Variants in PCLAF observed in about 807,000 individuals in gnomAD.
PCLAF encodes PCNA clamp associated factor.
PCLAF carries 12 observed loss-of-function variants against 15.1 expected under a neutral mutation model. That is an observed-to-expected ratio of 0.79 (90% CI 0.51 to 1.29). The LOEUF is 1.29. PCLAF is among the 50% of genes most tolerant of loss of function. PCLAF has a pLI of 0.00. For synonymous variants in PCLAF, 33 were observed against 47.1 expected, an observed-to-expected ratio of 0.70 and a Z score of 1.22; for missense variants, 116 against 130.9, an observed-to-expected ratio of 0.89 and a Z score of 0.56.
rs551440480 is a variant in PCLAF, at chr15:64,376,157, G to A, written c.290+586C>T. On this transcript the variant is annotated intron_variant, in intron 3 of 3. Coordinates refer to ENST00000300035, the MANE Select transcript of PCLAF (RefSeq NM_014736.6). ...GGAAAATTGCTTGAACCTGGGAGGC[G>A]GAGGTTGCAGTGAGCTGAGATAGCG... 1.2e-4 allele frequency among the ~76,000 whole-genome samples: 18 copies of A among 152,190 alleles called. 1 individual carries two copies. Among genetic ancestry groups the A allele is most frequent in the East Asian group, 5.8e-4 (3 of 5,178 alleles).
chr15:64,377,231 G>T (rs1899629131), intron 2 of PCLAF, among the ~76,000 whole-genome samples: 2 of 151,290 alleles, frequency 1.3e-5, no homozygotes, highest in South Asian at 4.2e-4. Flanking sequence ...ACTTTGGGAG[G>T]CTGAGGAGGG....
intron 3 of PCLAF, chr15:64,373,637 A>G: frequency 6.6e-7 from 1 of 1,520,142 alleles, no homozygotes; most frequent in Non-Finnish European, 8.8e-7. Flanking sequence ...AGAAACCTGC[A>G]CGGGTAGGAG....
At chr15:64,369,936 T>C (rs1318210141) in intron 3 of PCLAF, among the ~76,000 whole-genome samples, 1 of 152,154 alleles carries the variant, frequency 6.6e-6, no homozygotes, top group Non-Finnish European at 1.5e-5. Context: ...CAAGATCTGT[T>C]GGATCTGCTT....
At chr15:64,367,275 G>A (rs1480449157) in intron 3 of PCLAF, among the ~76,000 whole-genome samples, 1 of 152,028 alleles carries the variant, frequency 6.6e-6, no homozygotes, top group African/African-American at 2.4e-5. Context: ...AGGCCGAGGC[G>A]GGTGGATCAC....
intron 3 of PCLAF, among the ~76,000 whole-genome samples, chr15:64,368,170 T>G (rs1231279850): frequency 1.3e-5 from 2 of 151,876 alleles, no homozygotes; most frequent in African/African-American, 2.4e-5. Flanking sequence ...AATGAAACCC[T>G]GTCTCTACTA....
rs189761141 is a variant in PCLAF, at chr15:64,365,224, G to C, written c.*806C>G. ...TCACCTTGTTAGGCAGGATGGTCTC[G>C]ATCTCCTGACCTCATGATCCACCCG... is the stretch of plus-strand genomic sequence containing the variant. On this transcript the variant is annotated 3_prime_UTR_variant, in exon 4 of 4. Coordinates refer to ENST00000300035, the MANE Select transcript of PCLAF (RefSeq NM_014736.6). The C allele has an allele frequency of 1.3e-5, 2 of 150,580 alleles. No individual in the cohort carries two copies. Among genetic ancestry groups the C allele is most frequent in the East Asian group, 4.0e-4 (2 of 5,062 alleles). The allele number at this position is 150,580 out of a possible 1,614,324, so 9.3% of individuals were successfully genotyped here. A position where few individuals can be genotyped will look rare whatever the true frequency, so the allele number is the denominator to read the frequency against.
chr15:64,381,387 G>C lies in PCLAF; in HGVS notation c.-16C>G, dbSNP rs1477277645. 2 of 1,614,030 alleles carry C rather than the reference G, an allele frequency of 1.2e-6. No homozygotes were observed. Among genetic ancestry groups the C allele is most frequent in the African/African-American group, 1.3e-5 (1 of 74,942 alleles). On this transcript the variant is annotated 5_prime_UTR_variant, in exon 1 of 4. Coordinates refer to ENST00000300035, the MANE Select transcript of PCLAF (RefSeq NM_014736.6). ...TCCGCACCATGTTCAAACAAGAAGA[G>C]AGGAGAGGAGAGAACGAACTGACTT... is the stretch of plus-strand genomic sequence containing the variant.
At chr15:64,387,498 G>A (rs1022239780) in exon 1 of PCLAF, 1 of 1,289,492 alleles carries the variant, frequency 7.8e-7, no homozygotes, top group South Asian at 1.3e-5. Context: ...AAACCATGAC[G>A]ATTAAAAAGC....
At position 64,376,921 on chromosome 15, in the gene PCLAF, A is replaced by G. The variant is rs368370868; in HGVS notation, c.128-16T>C. On this transcript the variant is annotated splice_polypyrimidine_tract_variant and intron_variant, in intron 2 of 3. Coordinates refer to ENST00000300035, the MANE Select transcript of PCLAF (RefSeq NM_014736.6). ...TTATTTTCAGCTGTAAAATATAAAC[A>G]GATGGAACTAGATAAGTGCTAATAA... 6.2e-7 allele frequency: 1 copy of G among 1,605,688 alleles called. No individual in the cohort carries two copies. The highest frequency in any genetic ancestry group is 2.2e-5 in the East Asian group (1 of 44,840).
intron 2 of PCLAF, among the ~76,000 whole-genome samples, chr15:64,377,488 A>AAAAAAAAAAAT (rs1555407636): frequency 6.8e-5 from 2 of 29,346 alleles, no homozygotes; most frequent in African/African-American, 1.4e-4. Flanking sequence ...AAAAAAAAAA[A>AAAAAAAAAAAT]ATATATATAT....
intron 3 of PCLAF, among the ~76,000 whole-genome samples, chr15:64,369,501 C>A (rs1226079988): frequency 6.6e-6 from 1 of 151,316 alleles, no homozygotes; most frequent in Non-Finnish European, 1.5e-5. Flanking sequence ...AATCTCACAA[C>A]ATGGATCATA....
intron 3 of PCLAF, chr15:64,373,598 T>G: frequency 6.8e-7 from 1 of 1,462,212 alleles, no homozygotes; most frequent in South Asian, 1.4e-5. Flanking sequence ...TGCAGTAGCT[T>G]CCGGCATACT....
At chr15:64,381,514 G>A (rs1899823035), upstream of PCLAF, 7 of 1,547,086 alleles carry the variant, frequency 4.5e-6, no homozygotes, top group South Asian at 7.4e-5. Context: ...CCGAGCCACC[G>A]CTCCCATTGG....
chr15:64,377,500 TATATATA>T (rs1899656556), intron 2 of PCLAF, among the ~76,000 whole-genome samples: 1 of 23,382 alleles, frequency 4.3e-5, no homozygotes, highest in Non-Finnish European at 7.6e-5. Context: ...TATATATATA[TATATATA>T]TATATATATA....
At chr15:64,381,282 G>A in intron 1 of PCLAF, 44 bp downstream of exon 1, 3 of 1,603,424 alleles carry the variant, frequency 1.9e-6, no homozygotes, top group Non-Finnish European at 2.6e-6. Context: ...CCAGGCTGCC[G>A]GGAGGACCCC....
upstream of PCLAF, among the ~76,000 whole-genome samples, chr15:64,385,178 C>T (rs974774152): frequency 9.2e-5 from 14 of 152,082 alleles, no homozygotes; most frequent in East Asian, 3.9e-4. Flanking sequence ...GTGTGGGCTA[C>T]GGTACCCAGC....
upstream of PCLAF, among the ~76,000 whole-genome samples, chr15:64,386,233 T>TAA: frequency 6.9e-6 from 1 of 145,598 alleles, no homozygotes; most frequent in African/African-American, 2.5e-5. Context: ...GACTTTTTCT[T>TAA]AAAAAAAAAA....
upstream of PCLAF, among the ~76,000 whole-genome samples, chr15:64,385,328 G>A (rs183191242): frequency 3.8e-3 from 576 of 152,190 alleles, 5 homozygotes; most frequent in Middle Eastern, 0.017. Context: ...GTTAATTTTA[G>A]GTGTCAACTT....
At chr15:64,370,924 G>A (rs1899278907) in intron 3 of PCLAF, among the ~76,000 whole-genome samples, 1 of 122,930 alleles carries the variant, frequency 8.1e-6, no homozygotes, top group South Asian at 2.8e-4. Flanking sequence ...TCTTCACTTT[G>A]CAAATACAGA....
Sources: gnomAD v4.1 joint callset for allele counts (sites outside exome capture counted in the v4.1 genomes callset) on GRCh38, gnomAD v4.1.1 for gene constraint, MANE v1.5 for transcripts, NCBI Gene and HGNC (gene_info 2026-07-23, HGNC 2026-07-21) for gene names.